Variants in ELL observed in about 807,000 individuals in gnomAD.
ELL encodes the protein RNA polymerase II elongation factor ELL.
In ELL, 18 loss-of-function variants were observed where a neutral mutation model predicts 64.0. That is an observed-to-expected ratio of 0.28 (90% CI 0.19 to 0.42). The LOEUF is 0.42. Ranked by LOEUF, ELL falls within the 10% of genes least tolerant of loss-of-function variation. The pLI is 1.00. For synonymous variants in ELL, 399 were observed against 376.2 expected (o/e 1.06, Z -0.70); for missense variants, 797 against 870.4 (o/e 0.92, Z 1.06).
intron 1 of ELL, among the ~76,000 whole-genome samples, chr19:18,520,529 G>A (rs571205501): frequency 5.9e-5 from 9 of 152,202 alleles, no homozygotes; most frequent in Admixed American, 1.3e-4. Flanking sequence ...CTGCGACACC[G>A]GGACAGGGAG....
chr19:18,508,880 T>C (rs1975940339), intron 1 of ELL, among the ~76,000 whole-genome samples: 1 of 152,014 alleles, frequency 6.6e-6, no homozygotes, highest in Non-Finnish European at 1.5e-5. Flanking sequence ...CGCTATAGTC[T>C]CTAGGGTTGC....
chr19:18,504,300 C>G (rs892437236), intron 1 of ELL, among the ~76,000 whole-genome samples: 3 of 152,238 alleles, frequency 2.0e-5, no homozygotes, highest in African/African-American at 7.2e-5. Flanking sequence ...CACTCCTGCT[C>G]TGTTTTTCCA....
intron 1 of ELL, among the ~76,000 whole-genome samples, chr19:18,485,843 G>A (rs924334138): frequency 2.6e-5 from 4 of 152,048 alleles, no homozygotes; most frequent in Non-Finnish European, 5.9e-5. Context: ...AAAATTAGCC[G>A]GGCGTGGTAG....
intron 1 of ELL, among the ~76,000 whole-genome samples, chr19:18,500,931 A>G (rs578022580): frequency 6.6e-6 from 1 of 152,306 alleles, no homozygotes; most frequent in South Asian, 2.1e-4. Context: ...GAAAGTGAAC[A>G]CATGGCGGCT....
At position 18,478,362 on chromosome 19, in the gene ELL, A is replaced by G. The variant is rs565801467; in HGVS notation, c.136-5480T>C. 2.6e-5 allele frequency among the ~76,000 whole-genome samples: 4 copies of G among 152,320 alleles called. No homozygotes were observed. In the South Asian group the frequency reaches 6.2e-4, roughly 24 times the overall value. ...TAATTAAATAACGGGGTAACTCAGT[A>G]GCACATGACACCTGCAGGGTACTGC... On this transcript the variant is annotated intron_variant, in intron 1 of 11. Transcript: ENST00000262809.
At chr19:18,459,870 C>T (rs1370890666) in intron 5 of ELL, among the ~76,000 whole-genome samples, 1 of 152,230 alleles carries the variant, frequency 6.6e-6, no homozygotes, top group South Asian at 2.1e-4. Context: ...CACCCCCAAA[C>T]TGCTGCCAGT....
At chr19:18,466,244 T>C (rs921333769) in intron 2 of ELL, among the ~76,000 whole-genome samples, 2 of 152,260 alleles carry the variant, frequency 1.3e-5, no homozygotes, top group South Asian at 4.1e-4. Flanking sequence ...GTGTGACCCC[T>C]GGAAAGTGGT....
intron 10 of ELL, chr19:18,446,036 C>T (rs1171758218): frequency 8.5e-6 from 4 of 469,878 alleles, no homozygotes; most frequent in Non-Finnish European, 1.5e-5. Flanking sequence ...ATCCATGTAC[C>T]CCGGCTCGCC....
At chr19:18,479,093 A>G (rs1400387985) in intron 1 of ELL, among the ~76,000 whole-genome samples, 1 of 152,222 alleles carries the variant, frequency 6.6e-6, no homozygotes, top group South Asian at 2.1e-4. Context: ...CCGAGTGACC[A>G]GTTTACAGGA....
At chr19:18,481,817 A>G (rs1012391067) in intron 1 of ELL, among the ~76,000 whole-genome samples, 2 of 152,090 alleles carry the variant, frequency 1.3e-5, no homozygotes, top group Non-Finnish European at 2.9e-5. Flanking sequence ...AGCTATAAAT[A>G]CTCATGGACA....
chr19:18,496,784 A>G (rs1975663711), intron 1 of ELL, among the ~76,000 whole-genome samples: 1 of 152,260 alleles, frequency 6.6e-6, no homozygotes, highest in Non-Finnish European at 1.5e-5. Context: ...CAAGTCTTCC[A>G]CTATGGGCAA....
intron 1 of ELL, among the ~76,000 whole-genome samples, chr19:18,498,880 G>A (rs1975721319): frequency 1.3e-5 from 2 of 152,152 alleles, no homozygotes; most frequent in African/African-American, 2.4e-5. Flanking sequence ...AAACCAGGAG[G>A]CAGAGGTTGC....
chr19:18,517,962 T>C (rs1976164153), intron 1 of ELL, among the ~76,000 whole-genome samples: 1 of 151,332 alleles, frequency 6.6e-6, no homozygotes, highest in Non-Finnish European at 1.5e-5. Context: ...GGCTCACTCC[T>C]ATAATCCCAG....
intron 1 of ELL, among the ~76,000 whole-genome samples, chr19:18,518,474 A>G (rs1405417208): frequency 1.4e-5 from 2 of 142,344 alleles, no homozygotes; most frequent in East Asian, 4.2e-4. Flanking sequence ...TGGACAATGG[A>G]GCAAAACCCT....
At chr19:18,461,458 C>G in intron 5 of ELL, 120 bp downstream of exon 5, 1 of 1,461,344 alleles carries the variant, frequency 6.8e-7, no homozygotes, top group Non-Finnish European at 9.1e-7. Context: ...TGTGAGAGAC[C>G]CCAGGAAGGG....
chr19:18,472,954 C>T, intron 1 of ELL, 72 bp from the exon 2 acceptor site: 2 of 1,481,082 alleles, frequency 1.4e-6, no homozygotes, highest in Non-Finnish European at 1.8e-6. Context: ...CCAAAGACTC[C>T]CTCCCCAGGT....
At chr19:18,462,099 G>T (rs555404295) in intron 4 of ELL, among the ~76,000 whole-genome samples, 58 of 152,116 alleles carry the variant, frequency 3.8e-4, no homozygotes, top group Admixed American at 7.2e-4. Context: ...GCAGAACTGT[G>T]TTAGAGCCTT....
chr19:18,496,095 G>C (rs564987850), intron 1 of ELL, among the ~76,000 whole-genome samples: 1 of 152,188 alleles, frequency 6.6e-6, no homozygotes, highest in African/African-American at 2.4e-5. Flanking sequence ...ACAACCTCCC[G>C]GACAGATGGG....
intron 6 of ELL, among the ~76,000 whole-genome samples, chr19:18,457,871 C>A (rs937659979): frequency 2.6e-5 from 4 of 152,170 alleles, no homozygotes; most frequent in Non-Finnish European, 4.4e-5. Flanking sequence ...TGTGGGGATG[C>A]CCAGGTTGTG....
Sources: allele counts gnomAD v4.1 joint callset (sites outside exome capture counted in the v4.1 genomes callset), GRCh38; gene constraint gnomAD v4.1.1; transcripts MANE v1.5; gene names NCBI Gene and HGNC (gene_info 2026-07-23, HGNC 2026-07-21).